Variants in DIP2C observed in about 807,000 individuals in gnomAD.
The protein encoded by DIP2C is disco-interacting protein 2 homolog C.
A neutral mutation model predicts 192.4 loss-of-function variants in DIP2C; 33 were observed. The observed-to-expected ratio is 0.17, with a 90% CI of 0.13 to 0.23. The LOEUF is 0.23. DIP2C is among the 10% of genes least tolerant of loss of function. DIP2C has a pLI of 1.00. For synonymous variants in DIP2C, 979 were observed against 864.1 expected (o/e 1.13, Z -2.33); for missense variants, 1,537 against 2,110.1 (o/e 0.73, Z 5.32).
At chr10:347,613 T>C (rs368469880) in intron 26 of DIP2C, among the ~76,000 whole-genome samples, 9 of 54,842 alleles carry the variant, frequency 1.6e-4, no homozygotes, top group Non-Finnish European at 2.0e-4. Context: ...CCGGAAACCC[T>C]ACATACACCC....
intron 26 of DIP2C, among the ~76,000 whole-genome samples, chr10:347,948 C>T (rs1460658574): frequency 5.3e-5 from 8 of 151,580 alleles, no homozygotes; most frequent in Non-Finnish European, 1.2e-4. Flanking sequence ...CCAGACGCGT[C>T]GCGCATAGCT....
chr10:472,583 G>A (rs1249373994), intron 2 of DIP2C, 34 bp from the exon 3 acceptor site: 4 of 1,565,422 alleles, frequency 2.6e-6, no homozygotes, highest in Non-Finnish European at 3.5e-6. Context: ...AGTGAGGTGT[G>A]ACTGTACTCA....
intron 29 of DIP2C, among the ~76,000 whole-genome samples, chr10:333,776 A>G (rs971175964): frequency 6.6e-6 from 1 of 152,176 alleles, no homozygotes; most frequent in African/African-American, 2.4e-5. Flanking sequence ...GTTGCTTTGC[A>G]GTGTAAGTTT....
intron 3 of DIP2C, 70 bp downstream of exon 3, chr10:472,369 G>A (rs1242731235): frequency 5.6e-6 from 8 of 1,438,006 alleles, no homozygotes; most frequent in Non-Finnish European, 6.8e-6. Context: ...CTCGCCCAGT[G>A]GCTGGGCACA....
intron 3 of DIP2C, among the ~76,000 whole-genome samples, chr10:461,149 G>T (rs1362629735): frequency 6.6e-6 from 1 of 152,108 alleles, no homozygotes; most frequent in Non-Finnish European, 1.5e-5. Flanking sequence ...CAACTAATGG[G>T]CAAAATAACC....
chr10:314,156 A>C (rs1449980428), intron 31 of DIP2C, among the ~76,000 whole-genome samples: 1 of 152,228 alleles, frequency 6.6e-6, no homozygotes, highest in African/African-American at 2.4e-5. Context: ...TTCCAGAAGA[A>C]TTTTTATATT....
chr10:596,484 G>GA (rs1272937329), intron 1 of DIP2C, among the ~76,000 whole-genome samples: 6 of 95,000 alleles, frequency 6.3e-5, no homozygotes, highest in African/African-American at 2.4e-4. Flanking sequence ...CGACCAGTGC[G>GA]AAACTCCATC....
intron 31 of DIP2C, chr10:325,127 T>TG: frequency 2.8e-6 from 1 of 351,730 alleles, no homozygotes; most frequent in Non-Finnish European, 5.6e-6. Context: ...TAGCTGCGCT[T>TG]GGTGGCGAGC....
intron 1 of DIP2C, among the ~76,000 whole-genome samples, chr10:507,822 G>A (rs1845726970): frequency 6.6e-6 from 1 of 152,208 alleles, no homozygotes; most frequent in Non-Finnish European, 1.5e-5. Flanking sequence ...AGAGGCTGCA[G>A]ACAATCTCTG....
intron 1 of DIP2C, among the ~76,000 whole-genome samples, chr10:571,494 T>TCCC (rs1462338695): frequency 1.4e-5 from 2 of 144,490 alleles, no homozygotes; most frequent in Non-Finnish European, 3.0e-5. Context: ...CCATTCTCCC[T>TCCC]CCCCCTTTCA....
chr10:534,660 GGAT>G (rs1390502514), intron 1 of DIP2C, among the ~76,000 whole-genome samples: 1 of 149,304 alleles, frequency 6.7e-6, no homozygotes, highest in East Asian at 1.9e-4. Flanking sequence ...TTTGTCTGCT[GGAT>G]GATTATTATT....
At chr10:318,403 A>C (rs1217203520) in intron 31 of DIP2C, among the ~76,000 whole-genome samples, 1 of 152,188 alleles carries the variant, frequency 6.6e-6, no homozygotes, top group Non-Finnish European at 1.5e-5. Context: ...AGGTGTCCAG[A>C]CACGATCCAG....
intron 1 of DIP2C, among the ~76,000 whole-genome samples, chr10:552,106 GGA>G (rs965300212): frequency 6.6e-6 from 1 of 152,210 alleles, no homozygotes; most frequent in African/African-American, 2.4e-5. Flanking sequence ...CTGGGTTGCT[GGA>G]GAGACACACT....
chr10:596,501 A>C (rs1851713603), intron 1 of DIP2C, among the ~76,000 whole-genome samples: 1 of 76,916 alleles, frequency 1.3e-5, no homozygotes, highest in East Asian at 2.6e-4. Flanking sequence ...CATCTCAAAA[A>C]AAAAAAAAAA....
intron 1 of DIP2C, among the ~76,000 whole-genome samples, chr10:585,162 C>T (rs1179655252): frequency 6.6e-6 from 1 of 152,194 alleles, no homozygotes; most frequent in Non-Finnish European, 1.5e-5. Flanking sequence ...ACAAAACAAG[C>T]TTGACCTCTA....
At chr10:427,962 T>C (rs1474260083) in intron 4 of DIP2C, among the ~76,000 whole-genome samples, 1 of 152,156 alleles carries the variant, frequency 6.6e-6, no homozygotes, top group East Asian at 1.9e-4. Context: ...TACATAAACG[T>C]CGACAGCAGC....
intron 22 of DIP2C, among the ~76,000 whole-genome samples, chr10:358,559 G>A (rs931873541): frequency 3.2e-5 from 3 of 94,742 alleles, no homozygotes; most frequent in African/African-American, 1.3e-4. Context: ...ATCCATGAGC[G>A]ATGAGATGAC....
chr10:318,664 T>C (rs1463431622), intron 31 of DIP2C, among the ~76,000 whole-genome samples: 1 of 152,094 alleles, frequency 6.6e-6, no homozygotes, highest in Non-Finnish European at 1.5e-5. Context: ...TGGAATATGG[T>C]TTCCATGATC....
chr10:495,950 C>T (rs538661279), intron 1 of DIP2C, among the ~76,000 whole-genome samples: 29 of 151,222 alleles, frequency 1.9e-4, no homozygotes, highest in East Asian at 5.9e-4. Flanking sequence ...GGTGCCTTCC[C>T]GTGTACTTAA....
Sources: gnomAD v4.1 joint callset for allele counts (sites outside exome capture counted in the v4.1 genomes callset) on GRCh38, gnomAD v4.1.1 for gene constraint, MANE v1.5 for transcripts, NCBI Gene and HGNC (gene_info 2026-07-23, HGNC 2026-07-21) for gene names.